Variants in DCHS2 observed in about 807,000 individuals in gnomAD.
DCHS2 encodes dachsous cadherin-related 2.
In DCHS2, 142 loss-of-function variants were observed where a neutral mutation model predicts 182.4. That is an observed-to-expected ratio of 0.78 (90% CI 0.68 to 0.89). The LOEUF is 0.89. Among genes scored for constraint, DCHS2 ranks in the 40% least tolerant of loss-of-function variants. The pLI, the probability that DCHS2 is intolerant of heterozygous loss-of-function variation, is 0.00. For missense variants in DCHS2, 4,319 were observed against 4,198.6 expected (o/e 1.03, Z -0.79); for synonymous variants, 1,740 against 1,663.3 (o/e 1.05, Z -1.12).
chr4:154,239,072 G>A (rs1262688723), intron 19 of DCHS2, 98 bp downstream of exon 19: 1 of 1,463,018 alleles, frequency 6.8e-7, no homozygotes, highest in Admixed American at 2.4e-5. Context: ...GGGGTGGGGA[G>A]GTGGGGAACT....
chr4:154,479,327 A>G (rs1367078177), intron 1 of DCHS2, among the ~76,000 whole-genome samples: 1 of 152,152 alleles, frequency 6.6e-6, no homozygotes, highest in Non-Finnish European at 1.5e-5. Context: ...CTCAGATCTA[A>G]AGGTCTAACA....
intron 16 of DCHS2, among the ~76,000 whole-genome samples, chr4:154,245,072 T>A (rs1325505636): frequency 6.6e-6 from 1 of 152,126 alleles, no homozygotes; most frequent in Non-Finnish European, 1.5e-5. Context: ...TTCTTTGATA[T>A]GGAGAGAAAT....
chr4:154,297,818 T>C (rs202103835), intron 13 of DCHS2, 33 bp downstream of exon 13: 1 of 1,578,780 alleles, frequency 6.3e-7, no homozygotes, highest in Non-Finnish European at 8.6e-7. Flanking sequence ...TCAAAACAGG[T>C]ACAATATATG....
chr4:154,453,564 G>C (rs894634739), intron 1 of DCHS2, among the ~76,000 whole-genome samples: 1 of 152,094 alleles, frequency 6.6e-6, no homozygotes, highest in Non-Finnish European at 1.5e-5. Flanking sequence ...CCTGCTCAAT[G>C]GTTGACTCAT....
intron 1 of DCHS2, among the ~76,000 whole-genome samples, chr4:154,393,650 C>G (rs889515796): frequency 4.0e-5 from 6 of 151,858 alleles, no homozygotes; most frequent in South Asian, 2.1e-4. Context: ...ATATGCTAGT[C>G]TAATCTCTAC....
rs1219432886 is a variant in DCHS2 at position 154,333,423 on chromosome 4, G to T, written c.2785C>A (p.Leu929Met). Reference protein sequence around the residue: ...LGGKFSIHPRLGTIRTRKPLD... With the variant: ...LGGKFSIHPRMGTIRTRKPLD... ...GGCTTCCGGGTGCGAATAGTGCCCA[G>T]CCGCGGGTGAATGGAGAACTTTCCG... The change falls in exon 5 of 20, where the codon CTG becomes ATG. Residue 929 changes from leucine (L) to methionine (M), a missense_variant. Physicochemically the swap from Leu to Met is conservative, Grantham distance 15 (BLOSUM62 2). Coordinates refer to ENST00000357232, the MANE Select transcript of DCHS2 (RefSeq NM_001358235.2). The T allele has an allele frequency of 1.2e-6, 2 of 1,613,950 alleles. No homozygotes were observed. The highest frequency in any genetic ancestry group is 1.7e-6 in the Non-Finnish European group (2 of 1,180,044).
intron 1 of DCHS2, among the ~76,000 whole-genome samples, chr4:154,481,539 G>C (rs922606160): frequency 6.6e-6 from 1 of 152,162 alleles, no homozygotes; most frequent in Admixed American, 6.5e-5. Context: ...TTACAGACAA[G>C]AGCCACCATG....
intron 13 of DCHS2, among the ~76,000 whole-genome samples, chr4:154,295,597 T>G (rs1734886875): frequency 6.6e-6 from 1 of 152,230 alleles, no homozygotes; most frequent in African/African-American, 2.4e-5. Context: ...AATTGTTATG[T>G]AACAACTGGT....
chr4:154,302,982 T>C (rs77107166), intron 12 of DCHS2, among the ~76,000 whole-genome samples: 11,818 of 102,668 alleles, frequency 0.12, 850 homozygotes, highest in Non-Finnish European at 0.16. Flanking sequence ...CACACACACA[T>C]ATTTTTTTTT....
chr4:154,400,495 T>TGA (rs1560735902), intron 1 of DCHS2, among the ~76,000 whole-genome samples: 1 of 152,042 alleles, frequency 6.6e-6, no homozygotes, highest in Non-Finnish European at 1.5e-5. Context: ...GATGATTAAA[T>TGA]GAGAGTTGGA....
chr4:154,305,100 G>C lies in DCHS2; in HGVS notation c.5392C>G (p.Arg1798Gly). Residue 1798 changes from arginine to glycine, a missense_variant, in exon 11 of 20, where the codon CGA (arginine) becomes GGA (glycine). Coordinates refer to ENST00000357232, the MANE Select transcript of DCHS2 (RefSeq NM_001358235.2). ...DREIQEVFTL[R>G]VLVRDGGFPS... is the part of the protein sequence containing the mutation. ...GCCTACTCAAAGAATCCCTTACCTC[G>C]AAGGGTGAAGACTTCTTGAATTTCT... 1 of 1,604,086 alleles carries C rather than the reference G, an allele frequency of 6.2e-7. No individual in the cohort carries two copies. Among genetic ancestry groups the C allele is most frequent in the Middle Eastern group, 1.7e-4 (1 of 6,030 alleles).
At chr4:154,444,709 T>G (rs1236475094) in intron 1 of DCHS2, among the ~76,000 whole-genome samples, 1 of 152,170 alleles carries the variant, frequency 6.6e-6, no homozygotes, top group Non-Finnish European at 1.5e-5. Context: ...ATCATGTCAC[T>G]TTGCTGGTTT....
intron 13 of DCHS2, among the ~76,000 whole-genome samples, chr4:154,271,049 C>T (rs11726919): frequency 0.48 from 73,278 of 151,956 alleles, 18,985 homozygotes; most frequent in Non-Finnish European, 0.58. Context: ...TTTTAAGTTA[C>T]GGGAACAGAC....
rs926235368 is a variant in DCHS2, at chr4:154,491,522, A to T, written c.-167T>A. ...CCGAGGTTACATCTGCAACTGGTGA[A>T]AGCGTCCTCTGCCTGCAGCTCACGC... is the stretch of plus-strand genomic sequence containing the variant. On this transcript the variant is annotated 5_prime_UTR_variant, in exon 1 of 20. Transcript: ENST00000357232. The T allele has an allele frequency of 1.4e-6, 2 of 1,397,880 alleles. No homozygotes were observed. Among genetic ancestry groups the T allele is most frequent in the Admixed American group, 6.4e-5 (2 of 31,492 alleles). 86.6% of individuals were successfully genotyped at this position (1,397,880 alleles called of 1,614,324 possible).
At chr4:154,391,285 C>A in intron 1 of DCHS2, 1 of 1,594,442 alleles carries the variant, frequency 6.3e-7, no homozygotes. Context: ...TTCGTTATCT[C>A]ATCCAGTCTC....
chr4:154,489,420 T>C lies in DCHS2; in HGVS notation c.1936A>G (p.Thr646Ala), dbSNP rs1233432698. The C allele has an allele frequency of 1.3e-6, 2 of 1,551,742 alleles. No individual in the cohort carries two copies. Among genetic ancestry groups the C allele is most frequent in the Non-Finnish European group, 8.7e-7 (1 of 1,147,008 alleles). ...TCTACGGTGATGCTCACCAGGCAGG[T>C]GGCAGAGAGTGGGGGCTCTCCGAGG... Reference protein sequence around the residue: ...QDLGEPPLSATCLVSITVDDV... With the variant: ...QDLGEPPLSAACLVSITVDDV... Residue 646 changes from threonine to alanine, a missense_variant, in exon 1 of 20, where the codon ACC (threonine) becomes GCC (alanine). By Grantham distance (58) the Thr-to-Ala change is moderately conservative (BLOSUM62 0). Transcript: ENST00000357232.
rs1731395566 is a variant in DCHS2 at position 154,235,120 on chromosome 4, C to T, written c.9532G>A (p.Ala3178Thr). ...DQGEGCSTTC[A>T]QNNVLPQTVQ... ...GTCTGGGGTAACACATTATTTTGAG[C>T]ACAGGTGGTGCTGCAGCCTTCCCCT... The change falls in exon 20 of 20, where the codon GCT becomes ACT. Residue 3178 changes from alanine to threonine, a missense_variant. Physicochemically the swap from Ala to Thr is moderately conservative, Grantham distance 58 (BLOSUM62 0). Transcript: ENST00000357232. 1 of 1,613,846 alleles carries T rather than the reference C, an allele frequency of 6.2e-7. No individual in the cohort carries two copies. Among genetic ancestry groups the T allele is most frequent in the African/African-American group, 1.3e-5 (1 of 74,916 alleles).
chr4:154,285,609 G>A (rs904569664), intron 13 of DCHS2, among the ~76,000 whole-genome samples: 4 of 152,198 alleles, frequency 2.6e-5, no homozygotes, highest in Non-Finnish European at 2.9e-5. Context: ...TTCCTCATGG[G>A]CCTGGAGTGG....
chr4:154,321,852 T>C (rs190261089), intron 8 of DCHS2, among the ~76,000 whole-genome samples: 29 of 152,268 alleles, frequency 1.9e-4, no homozygotes, highest in Admixed American at 1.9e-3. Flanking sequence ...TTTCTTACTA[T>C]GGAGACTTCT....
Sources: gnomAD v4.1 joint callset for allele counts (sites outside exome capture counted in the v4.1 genomes callset) on GRCh38, gnomAD v4.1.1 for gene constraint, MANE v1.5 for transcripts, NCBI Gene and HGNC (gene_info 2026-07-23, HGNC 2026-07-21) for gene names.